The following NCAPG2 variants were observed in gnomAD, a reference collection of about 807,000 sequenced individuals.
NCAPG2 encodes condensin-2 complex subunit G2.
Under a neutral mutation model 141.1 loss-of-function variants are expected in NCAPG2, and 53 were observed. The ratio of observed to expected loss-of-function variants is 0.38; its 90% CI spans 0.30 to 0.47. The LOEUF (loss-of-function observed/expected upper bound fraction) is 0.47, where lower values mean the gene tolerates loss of function less well. NCAPG2 is among the 20% of genes least tolerant of loss of function. NCAPG2 has a pLI of 0.99. For synonymous variants in NCAPG2, 499 were observed against 490.7 expected (o/e 1.02, Z -0.22); for missense variants, 1,087 against 1,389.0 (o/e 0.78, Z 3.46).
intron 13 of NCAPG2, chr7:158,667,350 TTAGCCACTACCGGATCCCTCCGCCCCC>T (rs1833098776): frequency 1.5e-5 from 2 of 136,544 alleles, no homozygotes; most frequent in Admixed American, 7.7e-4. Context: ...CCTCCGCTCC[TTAGCCACTACCGGATCCCTCCGCCCCC>T]CCTTACCCAC....
intron 5 of NCAPG2, 113 bp downstream of exon 5, chr7:158,690,455 G>A: frequency 9.9e-7 from 1 of 1,010,732 alleles, no homozygotes; most frequent in East Asian, 2.5e-5. Context: ...TGAGGCAGGA[G>A]GATTGCTCGA....
rs1186064588 is a variant in NCAPG2 at position 158,689,972 on chromosome 7, A to G, written c.538-19T>C. The stretch of plus-strand genomic sequence containing the variant: ...CTGCACCCTAGGAATGACACAAAAA[A>G]TGTGATACCTTTTTCAATGAACAGT... On this transcript the variant is annotated intron_variant, in intron 5 of 27. Transcript: ENST00000356309. The G allele has an allele frequency of 6.8e-7, 1 of 1,476,752 alleles. No homozygotes were observed. Among genetic ancestry groups the G allele is most frequent in the Non-Finnish European group, 9.0e-7 (1 of 1,114,968 alleles). The allele number at this position is 1,476,752 out of a possible 1,614,324, so 91.5% of individuals were successfully genotyped here. A position where few individuals can be genotyped will look rare whatever the true frequency, so the allele number is the denominator to read the frequency against.
intron 11 of NCAPG2, among the ~76,000 whole-genome samples, chr7:158,677,133 C>T (rs1353206849): frequency 6.6e-6 from 1 of 152,040 alleles, no homozygotes; most frequent in African/African-American, 2.4e-5. Flanking sequence ...TAAAGTCTTA[C>T]AAATGGTTTC....
At position 158,645,581 on chromosome 7, in the gene NCAPG2, T is replaced by A. The variant is rs1475470786; in HGVS notation, c.3218A>T (p.Asn1073Ile). The change falls in exon 26 of 28, where the codon AAT becomes ATT. Residue 1073 changes from asparagine to isoleucine, a missense_variant. Asn to Ile is a moderately radical substitution (Grantham distance 149). Transcript: ENST00000356309. The stretch of plus-strand genomic sequence containing the variant: ...GAGGCACACAATGCCTTCAATATCA[T>A]TAGAAGCCACACATGCCTTTAATTC... ...LDELKACVAS[N>I]DIEGIVCLTA... 1 of 1,614,066 alleles carries A rather than the reference T, an allele frequency of 6.2e-7. No homozygotes were observed. Among genetic ancestry groups the A allele is most frequent in the Non-Finnish European group, 8.5e-7 (1 of 1,180,042 alleles).
rs770938043 is a variant in NCAPG2 at position 158,654,742 on chromosome 7, G to A, written c.2647-48C>T. On this transcript the variant is annotated intron_variant, in intron 21 of 27. Transcript: ENST00000356309. ...AGCAACAAAGGCCATTTTTAAAAAGGGAGTAAATCCAGCCTCACAAAGCTT... is the reference window on the plus strand; with the variant it reads ...AGCAACAAAGGCCATTTTTAAAAAGAGAGTAAATCCAGCCTCACAAAGCTT... 4.4e-6 allele frequency: 7 copies of A among 1,580,756 alleles called. No individual in the cohort carries two copies. The African/African-American group carries it at 9.5e-5, about 22-fold the overall frequency.
At chr7:158,668,615 T>TAAG (rs1833458214) in intron 13 of NCAPG2, 1 of 173,840 alleles carries the variant, frequency 5.8e-6, no homozygotes, top group African/African-American at 2.4e-5. Context: ...AGCTGGGTGA[T>TAAG]GGGTGTATCT....
intron 13 of NCAPG2, among the ~76,000 whole-genome samples, chr7:158,667,459 C>T (rs1278019785): frequency 1.4e-5 from 2 of 141,484 alleles, no homozygotes; most frequent in Admixed American, 6.9e-5. Context: ...TGGGTCCCTC[C>T]GCCCGCCTTA....
intron 3 of NCAPG2, 45 bp downstream of exon 3, chr7:158,693,262 CAA>C: frequency 9.0e-6 from 14 of 1,554,608 alleles, no homozygotes; most frequent in Non-Finnish European, 1.1e-5. Flanking sequence ...TATTTTTTGA[CAA>C]AAAAAAGAGA....
intron 13 of NCAPG2, among the ~76,000 whole-genome samples, chr7:158,670,533 C>G (rs1488466741): frequency 6.6e-6 from 1 of 152,222 alleles, no homozygotes; most frequent in African/African-American, 2.4e-5. Context: ...GCCTGGGCAT[C>G]AGAGTGGGAC....
chr7:158,656,225 T>A, intron 19 of NCAPG2, 35 bp downstream of exon 19: 1 of 1,604,234 alleles, frequency 6.2e-7, no homozygotes, highest in Non-Finnish European at 8.5e-7. Flanking sequence ...CCCACAATCA[T>A]AGGAAACCAC....
chr7:158,659,181 T>G (rs1300009819), intron 16 of NCAPG2, among the ~76,000 whole-genome samples: 2 of 151,412 alleles, frequency 1.3e-5, no homozygotes, highest in South Asian at 2.1e-4. Flanking sequence ...AATTCAAAAT[T>G]AGCCAGGCAT....
At chr7:158,688,158 A>G (rs1221264528) in intron 6 of NCAPG2, among the ~76,000 whole-genome samples, 1 of 141,386 alleles carries the variant, frequency 7.1e-6, no homozygotes, top group Non-Finnish European at 1.5e-5. Context: ...CAGGGTAACC[A>G]TGCTCACAAC....
intron 13 of NCAPG2, among the ~76,000 whole-genome samples, chr7:158,667,737 T>G (rs1436041040): frequency 3.3e-5 from 2 of 59,824 alleles, no homozygotes; most frequent in African/African-American, 1.9e-4. Flanking sequence ...ACCTACCCTG[T>G]GGCCCTCCGC....
At chr7:158,680,213 TA>T (rs1834362256) in intron 10 of NCAPG2, 128 bp from the exon 11 acceptor site, 8 of 1,098,970 alleles carry the variant, frequency 7.3e-6, no homozygotes, top group Non-Finnish European at 1.0e-5. Flanking sequence ...CAGACAATTA[TA>T]ACGTTTAAAT....
intron 16 of NCAPG2, among the ~76,000 whole-genome samples, chr7:158,660,548 T>C (rs1253354096): frequency 1.3e-5 from 2 of 151,980 alleles, no homozygotes; most frequent in Non-Finnish European, 2.9e-5. Flanking sequence ...CCTGCATAGC[T>C]GGGACCAAAA....
At chr7:158,645,718 C>G in intron 25 of NCAPG2, 99 bp from the exon 26 acceptor site, 1 of 1,065,688 alleles carries the variant, frequency 9.4e-7, no homozygotes. Flanking sequence ...CCACAAACCC[C>G]AGTTTGCAGG....
At chr7:158,699,705 G>A (rs1284320026) in intron 2 of NCAPG2, among the ~76,000 whole-genome samples, 3 of 152,276 alleles carry the variant, frequency 2.0e-5, no homozygotes, top group African/African-American at 7.2e-5. Flanking sequence ...TACACACAGA[G>A]GGGCAGGTGT....
Position 158,631,534 on chromosome 7 carries a change from C to T in NCAPG2, c.*132G>A, listed in dbSNP as rs1336609402. 1.2e-5 allele frequency: 11 copies of T among 892,972 alleles called. No individual in the cohort carries two copies. The East Asian group carries it at 2.7e-4, about 22-fold the overall frequency. The allele number at this position is 892,972 out of a possible 1,614,324, so 55.3% of individuals were successfully genotyped here. On this transcript the variant is annotated 3_prime_UTR_variant, in exon 28 of 28. Coordinates refer to ENST00000356309, the MANE Select transcript of NCAPG2 (RefSeq NM_017760.7). The stretch of plus-strand genomic sequence containing the variant: ...CTCCTCCATAACCCCCACCTTCCCA[C>T]ATTCCCACAAAAAAATCCCACCCTT...
chr7:158,700,758 T>TTTA (rs1835727254), intron 2 of NCAPG2, among the ~76,000 whole-genome samples: 1 of 151,972 alleles, frequency 6.6e-6, no homozygotes, highest in Non-Finnish European at 1.5e-5. Context: ...CCTCTAATTC[T>TTTA]TTGTCACTAA....
Sources: allele counts gnomAD v4.1 joint callset (sites outside exome capture counted in the v4.1 genomes callset), GRCh38; gene constraint gnomAD v4.1.1; transcripts MANE v1.5; gene names NCBI Gene and HGNC (gene_info 2026-07-23, HGNC 2026-07-21).